NLGN4X: variants seen among roughly 807,000 people sequenced by gnomAD.
NLGN4X encodes neuroligin-4, X-linked.
A neutral mutation model predicts 40.3 loss-of-function variants in NLGN4X; 3 were observed. The ratio of observed to expected loss-of-function variants is 0.07; its 90% CI spans 0.03 to 0.19. NLGN4X has a LOEUF of 0.19. Among genes scored for constraint, NLGN4X ranks in the 10% least tolerant of loss-of-function variants. The pLI is 1.00. For missense variants in NLGN4X, 382 were observed against 708.3 expected, an observed-to-expected ratio of 0.54 and a Z score of 5.23; for synonymous variants, 270 against 306.8, an observed-to-expected ratio of 0.88 and a Z score of 1.25.
intron 2 of NLGN4X, among the ~76,000 whole-genome samples, chrX:6,127,688 T>C (rs2039590270): frequency 8.9e-6 from 1 of 112,054 alleles, no homozygotes; most frequent in Non-Finnish European, 1.9e-5. Context: ...AACATGAGAT[T>C]CCCACCTCAT....
intron 2 of NLGN4X, among the ~76,000 whole-genome samples, chrX:6,081,320 T>C (rs1287241699): frequency 8.9e-6 from 1 of 111,872 alleles, no homozygotes; most frequent in Admixed American, 9.4e-5. Context: ...TCTCATTATG[T>C]TGCCTGGGCT....
intron 3 of NLGN4X, among the ~76,000 whole-genome samples, chrX:5,985,541 G>A (rs2035508896): frequency 9.0e-6 from 1 of 111,157 alleles, no homozygotes. Flanking sequence ...CTCCTGCCTT[G>A]GTCTCCCAAA....
At chrX:5,972,290 C>T (rs990706257) in intron 3 of NLGN4X, among the ~76,000 whole-genome samples, 6 of 110,865 alleles carry the variant, frequency 5.4e-5, no homozygotes, top group African/African-American at 2.0e-4. Context: ...CATACCAATG[C>T]AAACTACCAA....
intron 2 of NLGN4X, among the ~76,000 whole-genome samples, chrX:6,067,483 C>A (rs1202208763): frequency 1.8e-5 from 2 of 111,485 alleles, no homozygotes; most frequent in Non-Finnish European, 3.8e-5. Flanking sequence ...GTTTTGTCTT[C>A]ATGCATTCCT....
At chrX:5,982,250 G>A (rs189053776) in intron 3 of NLGN4X, among the ~76,000 whole-genome samples, 118 of 112,209 alleles carry the variant, frequency 1.1e-3, no homozygotes, top group Non-Finnish European at 2.0e-3. Flanking sequence ...AATGCTACCA[G>A]TAACATAAAT....
At chrX:6,210,652 G>C (rs369610357) in intron 1 of NLGN4X, among the ~76,000 whole-genome samples, 7 of 111,816 alleles carry the variant, frequency 6.3e-5, no homozygotes, top group Non-Finnish European at 1.1e-4. Flanking sequence ...AAATACACAC[G>C]TTCCTTCTAA....
chrX:6,099,729 T>C (rs911910465), intron 2 of NLGN4X, among the ~76,000 whole-genome samples: 6 of 112,683 alleles, frequency 5.3e-5, no homozygotes, highest in Non-Finnish European at 1.1e-4. Context: ...GGAAAAATTA[T>C]CAGATGACAA....
At chrX:5,912,138 A>C (rs2032503763) in intron 3 of NLGN4X, among the ~76,000 whole-genome samples, 1 of 111,706 alleles carries the variant, frequency 9.0e-6, no homozygotes. Context: ...GGTGAACTGC[A>C]TGTCACAGGG....
intron 3 of NLGN4X, among the ~76,000 whole-genome samples, chrX:6,023,422 C>T (rs980710851): frequency 8.9e-6 from 1 of 112,248 alleles, no homozygotes; most frequent in Non-Finnish European, 1.9e-5. Flanking sequence ...ACATCTGATG[C>T]TAAAGTGATA....
intron 2 of NLGN4X, among the ~76,000 whole-genome samples, chrX:6,139,975 G>A (rs2039908043): frequency 8.9e-6 from 1 of 111,850 alleles, no homozygotes; most frequent in East Asian, 2.8e-4. Flanking sequence ...CCCGACTGGA[G>A]GCTAAAGTCC....
chrX:5,993,241 G>A (rs779590232), intron 3 of NLGN4X, among the ~76,000 whole-genome samples: 2 of 111,123 alleles, frequency 1.8e-5, no homozygotes, highest in Admixed American at 9.6e-5. Context: ...GTAACAACCC[G>A]AAGTATGTAC....
intron 3 of NLGN4X, among the ~76,000 whole-genome samples, chrX:6,005,101 T>C (rs1198230269): frequency 8.9e-6 from 1 of 111,764 alleles, no homozygotes; most frequent in Non-Finnish European, 1.9e-5. Flanking sequence ...TTCAATTGTA[T>C]TTTACCTTCA....
chrX:6,044,309 T>C (rs1177090681), intron 2 of NLGN4X, among the ~76,000 whole-genome samples: 2 of 110,451 alleles, frequency 1.8e-5, no homozygotes, highest in African/African-American at 6.6e-5. Context: ...ATGTCACTCA[T>C]CTCTCTTTCA....
chrX:5,967,290 G>A (rs1437195912), intron 3 of NLGN4X, among the ~76,000 whole-genome samples: 2 of 111,930 alleles, frequency 1.8e-5, no homozygotes, highest in African/African-American at 6.5e-5. Context: ...AAAAATGATG[G>A]TCAGCGCAAC....
intron 3 of NLGN4X, among the ~76,000 whole-genome samples, chrX:5,971,123 C>A (rs1463620783): frequency 8.9e-6 from 1 of 111,912 alleles, no homozygotes; most frequent in Non-Finnish European, 1.9e-5. Flanking sequence ...AATACATTTT[C>A]TATTTTCAGA....
intron 2 of NLGN4X, among the ~76,000 whole-genome samples, chrX:6,074,098 C>A: frequency 9.0e-6 from 1 of 110,883 alleles, no homozygotes; most frequent in South Asian, 3.9e-4. Flanking sequence ...ACCATGGTGC[C>A]AACCGACTCA....
rs2040449138 is a variant in NLGN4X at position 6,163,870 on chromosome X, G to A, written c.-305-12099C>T. On this transcript the variant is annotated intron_variant, in intron 1 of 5. Transcript: ENST00000381095. ...CCAGAGATGACTAATACTTGAACTT[G>A]GAAGACAGAAGGTCTTCAGTAAACA... Among the ~76,000 whole-genome samples, 6 of 112,929 alleles carry A rather than the reference G, an allele frequency of 5.3e-5. No homozygotes were observed. The South Asian group carries it at 2.2e-3, about 41-fold the overall frequency.
chrX:6,180,229 C>T (rs1200353719), intron 1 of NLGN4X, among the ~76,000 whole-genome samples: 1 of 111,645 alleles, frequency 9.0e-6, no homozygotes, highest in African/African-American at 3.3e-5. Context: ...TGTCCCTATC[C>T]AAATCTCCTG....
rs41309587 is a variant in NLGN4X at position 5,891,343 on chromosome X, G to A, written c.*1474C>T. The A allele has an allele frequency of 6.5e-3, 1,391 of 214,004 alleles. 6 individuals carry two copies. The highest frequency in any genetic ancestry group is 7.5e-3 in the Non-Finnish European group (886 of 117,967). The allele number at this position is 214,004 out of a possible 1,213,427, so 17.6% of individuals were successfully genotyped here. On this transcript the variant is annotated 3_prime_UTR_variant, in exon 6 of 6. Transcript: ENST00000381095. ...CTATAATATTCACCGTTTGGTGACC[G>A]GATACACAAATCCACAAAAAGTGAT...
Sources: gnomAD v4.1 joint callset for allele counts (sites outside exome capture counted in the v4.1 genomes callset) on GRCh38, gnomAD v4.1.1 for gene constraint, MANE v1.5 for transcripts, NCBI Gene and HGNC (gene_info 2026-07-23, HGNC 2026-07-21) for gene names.